TRAPPC2: variants seen among roughly 807,000 people sequenced by gnomAD.
The protein encoded by TRAPPC2 is sedlin.
Under a neutral mutation model 10.0 loss-of-function variants are expected in TRAPPC2, and 4 were observed. The observed-to-expected ratio is 0.40, with a 90% CI of 0.20 to 0.92. The LOEUF (loss-of-function observed/expected upper bound fraction) is 0.92. Ranked by LOEUF, TRAPPC2 falls within the 40% of genes least tolerant of loss-of-function variation. The pLI, the probability that TRAPPC2 is intolerant of heterozygous loss-of-function variation, is 0.35. For missense variants in TRAPPC2, 52 were observed against 108.7 expected, an observed-to-expected ratio of 0.48 and a Z score of 2.32; for synonymous variants, 36 against 37.3, an observed-to-expected ratio of 0.97 and a Z score of 0.12.
intron 2 of TRAPPC2, among the ~76,000 whole-genome samples, chrX:13,731,730 T>C (rs781650459): frequency 5.4e-5 from 6 of 111,902 alleles, no homozygotes; most frequent in East Asian, 2.8e-4. Context: ...TCGGAGAACA[T>C]TGGGTGCTCC....
chrX:13,729,558 G>T (rs1349571265), intron 2 of TRAPPC2, among the ~76,000 whole-genome samples: 1 of 112,348 alleles, frequency 8.9e-6, no homozygotes, highest in African/African-American at 3.2e-5. Context: ...GTAGAAACCT[G>T]AAACTGGATC....
chrX:13,718,405 T>C (rs1329248156), intron 3 of TRAPPC2, among the ~76,000 whole-genome samples: 1 of 112,876 alleles, frequency 8.9e-6, no homozygotes, highest in Non-Finnish European at 1.9e-5. Flanking sequence ...CCTGAAGAAT[T>C]AGGAGCAAAC....
At chrX:13,731,521 A>G (rs761566016) in intron 2 of TRAPPC2, among the ~76,000 whole-genome samples, 38 of 112,412 alleles carry the variant, frequency 3.4e-4, no homozygotes, top group African/African-American at 1.2e-3. Flanking sequence ...ATATTTTGGT[A>G]TCTACCTAAG....
In TRAPPC2 at chrX:13,714,219, A is replaced by T; in HGVS notation, c.*188T>A. The T allele has an allele frequency of 3.4e-6, 1 of 298,029 alleles. No individual in the cohort carries two copies. Among genetic ancestry groups the T allele is most frequent in the Non-Finnish European group, 6.0e-6 (1 of 166,012 alleles). 24.6% of individuals were successfully genotyped at this position (298,029 alleles called of 1,213,427 possible). ...TAACACTGTTCACAAGGAAATACCA[A>T]TTGATCTATTGATACGTGACATGAG... On this transcript the variant is annotated 3_prime_UTR_variant, in exon 6 of 6. Transcript: ENST00000380579.
intron 2 of TRAPPC2, among the ~76,000 whole-genome samples, chrX:13,732,599 G>A (rs1393637076): frequency 8.9e-6 from 1 of 112,569 alleles, no homozygotes; most frequent in Non-Finnish European, 1.9e-5. Context: ...GGAGGGCCAA[G>A]TATTTGCTGA....
intron 4 of TRAPPC2, 106 bp downstream of exon 4, chrX:13,716,428 T>C: frequency 1.0e-6 from 1 of 995,574 alleles, no homozygotes; most frequent in South Asian, 2.1e-5. Flanking sequence ...CATTTTCACC[T>C]GACTGTGAAG....
At chrX:13,727,316 T>C (rs889327283) in intron 2 of TRAPPC2, among the ~76,000 whole-genome samples, 5 of 112,170 alleles carry the variant, frequency 4.5e-5, no homozygotes, top group African/African-American at 1.6e-4. Context: ...CAGCACCACA[T>C]TGCACTTATT....
rs1369062978 is a variant in TRAPPC2, at chrX:13,718,636, A to T, written c.93+1235T>A. ...CATAATATGAGAAAATAATGTCACA[A>T]CTCCACCTCATAGAGAATCCCGTAA... On this transcript the variant is annotated intron_variant, in intron 3 of 5. Coordinates refer to ENST00000380579, the MANE Select transcript of TRAPPC2 (RefSeq NM_001011658.4). 2.7e-5 allele frequency among the ~76,000 whole-genome samples: 3 copies of T among 111,692 alleles called. No individual in the cohort carries two copies. In the East Asian group the frequency reaches 8.4e-4, roughly 31 times the overall value.
chrX:13,719,897 A>G lies in TRAPPC2; in HGVS notation c.67T>C (p.Leu23=). ...HDNPVFEMEF[L]PAGKAESKDD... Reference sequence around the variant, plus strand: ...TTGGATTCTGCCTTCCCAGCTGGCAAAAACTCCATTTCAAAAACTGGATTA... The same window carrying G: ...TTGGATTCTGCCTTCCCAGCTGGCAGAAACTCCATTTCAAAAACTGGATTA... Residue 23 remains leucine (L), a synonymous_variant, in exon 3 of 6, where the codon TTG becomes CTG. Coordinates refer to ENST00000380579, the MANE Select transcript of TRAPPC2 (RefSeq NM_001011658.4). 1.7e-6 allele frequency: 2 copies of G among 1,202,122 alleles called. No homozygotes were observed. Among genetic ancestry groups the G allele is most frequent in the Non-Finnish European group, 2.2e-6 (2 of 890,685 alleles).
intron 2 of TRAPPC2, among the ~76,000 whole-genome samples, chrX:13,732,865 C>G (rs1438397362): frequency 1.8e-5 from 2 of 112,817 alleles, no homozygotes; most frequent in African/African-American, 3.2e-5. Context: ...TCTAGAAAAA[C>G]TGCCCTGTGC....
At chrX:13,727,117 G>C (rs773086955) in intron 2 of TRAPPC2, among the ~76,000 whole-genome samples, 28 of 111,862 alleles carry the variant, frequency 2.5e-4, no homozygotes, top group East Asian at 1.1e-3. Context: ...CAAGTCCTTA[G>C]AGACCTACAA....
At chrX:13,725,364 C>T (rs2046524284) in intron 2 of TRAPPC2, among the ~76,000 whole-genome samples, 1 of 112,134 alleles carries the variant, frequency 8.9e-6, no homozygotes, top group South Asian at 3.7e-4. Flanking sequence ...ACAGACACCT[C>T]ATATAGGCGG....
chrX:13,734,616 C>A lies in TRAPPC2; in HGVS notation c.-253G>T. On this transcript the variant is annotated 5_prime_UTR_variant, in exon 1 of 6. Coordinates refer to ENST00000380579, the MANE Select transcript of TRAPPC2 (RefSeq NM_001011658.4). ...CTGTAGCCAGAACGCCGAAGCAGTT[C>A]TCGCGATACCCTGGGATGTGCTCTC... The A allele has an allele frequency of 6.2e-6, 5 of 800,921 alleles. No individual in the cohort carries two copies. Among genetic ancestry groups the A allele is most frequent in the Non-Finnish European group, 7.7e-6 (5 of 650,185 alleles). The allele number at this position is 800,921 out of a possible 1,213,427, so 66.0% of individuals were successfully genotyped here.
chrX:13,725,225 G>A (rs1178185717), intron 2 of TRAPPC2, among the ~76,000 whole-genome samples: 1 of 113,099 alleles, frequency 8.8e-6, no homozygotes, highest in Non-Finnish European at 1.9e-5. Flanking sequence ...ATCCCTGTCT[G>A]ACAGCTCTGA....
At chrX:13,723,709 G>A (rs1450297511) in intron 2 of TRAPPC2, among the ~76,000 whole-genome samples, 5 of 110,854 alleles carry the variant, frequency 4.5e-5, no homozygotes, top group Non-Finnish European at 9.4e-5. Context: ...TAGCTACACA[G>A]AATTTGGGAA....
chrX:13,718,561 A>G (rs1326742179), intron 3 of TRAPPC2, among the ~76,000 whole-genome samples: 1 of 112,534 alleles, frequency 8.9e-6, no homozygotes, highest in African/African-American at 3.2e-5. Flanking sequence ...CCCACAAAGC[A>G]GTACTGGTAC....
chrX:13,729,765 G>A (rs1407527562), intron 2 of TRAPPC2, among the ~76,000 whole-genome samples: 3 of 110,998 alleles, frequency 2.7e-5, no homozygotes, highest in African/African-American at 9.9e-5. Flanking sequence ...AAACTTAGCC[G>A]GGCGTGGTGG....
chrX:13,718,914 G>C (rs1040069179), intron 3 of TRAPPC2, among the ~76,000 whole-genome samples: 2 of 111,142 alleles, frequency 1.8e-5, no homozygotes, highest in Non-Finnish European at 3.8e-5. Flanking sequence ...CCAGCACTTT[G>C]GGAGGCCGAG....
chrX:13,720,026 C>T (rs1303721182), intron 2 of TRAPPC2, 44 bp from the exon 3 acceptor site: 15 of 895,933 alleles, frequency 1.7e-5, no homozygotes, highest in Non-Finnish European at 1.8e-5. Flanking sequence ...AGTCAATCTT[C>T]AAATTAAAAA....
Sources: gnomAD v4.1 joint callset for allele counts (sites outside exome capture counted in the v4.1 genomes callset) on GRCh38, gnomAD v4.1.1 for gene constraint, MANE v1.5 for transcripts, NCBI Gene and HGNC (gene_info 2026-07-23, HGNC 2026-07-21) for gene names.